Variants in SMAD6 observed in about 807,000 individuals in gnomAD.
SMAD6 encodes MAD homolog 6.
Under a neutral mutation model 39.4 loss-of-function variants are expected in SMAD6, and 103 were observed. The ratio of observed to expected loss-of-function variants is 2.62; its 90% CI spans 2.23 to 3.08. The LOEUF is 3.08. Among genes scored for constraint, SMAD6 ranks in the 30% most tolerant of loss-of-function variants. The pLI, the probability that SMAD6 is intolerant of heterozygous loss-of-function variation, is 0.00. For missense variants in SMAD6, 1,104 were observed against 742.9 expected (o/e 1.49, Z -5.65); for synonymous variants, 445 against 353.3 (o/e 1.26, Z -2.91).
intron 3 of SMAD6, among the ~76,000 whole-genome samples, chr15:66,775,001 A>C (rs915481805): frequency 2.6e-5 from 4 of 151,878 alleles, no homozygotes; most frequent in African/African-American, 9.7e-5. Flanking sequence ...GTTGGGATTA[A>C]GGCGCCCGCC....
At chr15:66,711,830 G>A (rs1437116060) in intron 2 of SMAD6, 106 bp downstream of exon 2, 1 of 946,602 alleles carries the variant, frequency 1.1e-6, no homozygotes, top group Non-Finnish European at 1.7e-6. Context: ...AGGGCTGGAG[G>A]GGAGGGGTGA....
At chr15:66,746,227 C>T (rs553225741) in intron 3 of SMAD6, among the ~76,000 whole-genome samples, 4 of 152,346 alleles carry the variant, frequency 2.6e-5, no homozygotes, top group South Asian at 2.1e-4. Flanking sequence ...TGTGCAACTT[C>T]GGTGACTCCT....
intron 3 of SMAD6, among the ~76,000 whole-genome samples, chr15:66,728,601 T>G (rs544154387): frequency 3.9e-4 from 59 of 152,220 alleles, no homozygotes; most frequent in African/African-American, 1.3e-3. Context: ...GAGATGGGGT[T>G]TCCCCATGTT....
chr15:66,703,990 G>C lies in SMAD6; in HGVS notation c.732G>C (p.Leu244=). 6.7e-7 allele frequency: 1 copy of C among 1,484,422 alleles called. No homozygotes were observed. Among genetic ancestry groups the C allele is most frequent in the Non-Finnish European group, 8.9e-7 (1 of 1,124,838 alleles). The allele number at this position is 1,484,422 out of a possible 1,614,324, so 92.0% of individuals were successfully genotyped here. The change falls in exon 1 of 4, where the codon CTG becomes CTC. Residue 244 remains leucine (L), a synonymous_variant. Coordinates refer to ENST00000288840, the MANE Select transcript of SMAD6 (RefSeq NM_005585.5). ...DLQHAVELKP[L]CGCHSFAAAA... The stretch of plus-strand genomic sequence containing the variant: ...AGCACGCCGTGGAGCTGAAGCCCCT[G>C]TGCGGCTGCCACAGCTTCGCCGCCG...
At chr15:66,748,178 A>C (rs1893939218) in intron 3 of SMAD6, among the ~76,000 whole-genome samples, 1 of 152,188 alleles carries the variant, frequency 6.6e-6, no homozygotes, top group Non-Finnish European at 1.5e-5. Context: ...TAATTGAAAA[A>C]ATATGTGTGC....
chr15:66,752,040 CTTT>C (rs34057337), intron 3 of SMAD6, among the ~76,000 whole-genome samples: 241 of 121,822 alleles, frequency 2.0e-3, no homozygotes, highest in African/African-American at 3.2e-3. Flanking sequence ...TTAATGGCAC[CTTT>C]TTTTTTTTTT....
At chr15:66,758,396 A>C (rs536154033) in intron 3 of SMAD6, among the ~76,000 whole-genome samples, 70 of 152,296 alleles carry the variant, frequency 4.6e-4, no homozygotes, top group Non-Finnish European at 9.6e-4. Context: ...TACTCATAAC[A>C]GTAAATACGA....
At chr15:66,714,126 T>G (rs1235787391) in intron 2 of SMAD6, among the ~76,000 whole-genome samples, 1 of 152,224 alleles carries the variant, frequency 6.6e-6, no homozygotes, top group African/African-American at 2.4e-5. Flanking sequence ...GTGAAAGTTC[T>G]TAGCACCTCA....
chr15:66,753,443 A>G (rs183228880), intron 3 of SMAD6, among the ~76,000 whole-genome samples: 286 of 152,190 alleles, frequency 1.9e-3, no homozygotes, highest in Non-Finnish European at 2.2e-4. Context: ...TCTAGGCACC[A>G]TCTGTTCTGT....
chr15:66,781,512 AT>A lies in SMAD6; in HGVS notation c.1469del (p.Ile490ThrfsTer49). On this transcript the variant is annotated frameshift_variant, in exon 4 of 4. Coordinates refer to ENST00000288840, the MANE Select transcript of SMAD6 (RefSeq NM_005585.5). LOFTEE classifies it high-confidence loss of function. ...FITSCPCWLE[I>X]LLNNPR ...CACCTCCTGCCCCTGCTGGCTGGAG[AT>A]CCTCCTCAACAACCCCAGATAGTGG... 2 of 1,560,998 alleles carry A rather than the reference AT, an allele frequency of 1.3e-6. No individual in the cohort carries two copies. The highest frequency in any genetic ancestry group is 1.7e-6 in the Non-Finnish European group (2 of 1,157,222).
intron 1 of SMAD6, among the ~76,000 whole-genome samples, chr15:66,710,488 G>A (rs1459505694): frequency 6.6e-6 from 1 of 152,094 alleles, no homozygotes; most frequent in African/African-American, 2.4e-5. Flanking sequence ...GGCCTCATTG[G>A]GTGTATGGAG....
At chr15:66,754,204 A>G (rs144207669) in intron 3 of SMAD6, among the ~76,000 whole-genome samples, 134 of 152,282 alleles carry the variant, frequency 8.8e-4, no homozygotes, top group Middle Eastern at 3.4e-3. Flanking sequence ...AAGTGGGCCA[A>G]CCTCTTGCTT....
At chr15:66,704,280 C>G in intron 1 of SMAD6, 1 of 395,098 alleles carries the variant, frequency 2.5e-6, no homozygotes, top group East Asian at 3.6e-5. Context: ...AACTTTATCT[C>G]AAGGCTCCGG....
chr15:66,724,973 G>A (rs1039751622), intron 3 of SMAD6, among the ~76,000 whole-genome samples: 3 of 152,122 alleles, frequency 2.0e-5, no homozygotes, highest in Admixed American at 6.6e-5. Context: ...ACTTGGTTGC[G>A]TCCAGCCTAA....
chr15:66,776,496 G>T (rs1172333722), intron 3 of SMAD6, among the ~76,000 whole-genome samples: 1 of 152,214 alleles, frequency 6.6e-6, no homozygotes, highest in East Asian at 1.9e-4. Flanking sequence ...TCCAGTCAGT[G>T]GTGGCAGCCT....
intron 1 of SMAD6, 81 bp downstream of exon 1, chr15:66,704,156 G>C: frequency 8.7e-7 from 1 of 1,143,388 alleles, no homozygotes; most frequent in South Asian, 2.2e-5. Flanking sequence ...TGACACTGCG[G>C]GTCGGCGCAG....
At chr15:66,734,351 AT>A (rs1223900346) in intron 3 of SMAD6, among the ~76,000 whole-genome samples, 2 of 152,184 alleles carry the variant, frequency 1.3e-5, no homozygotes, top group African/African-American at 2.4e-5. Context: ...ATTAATGCTC[AT>A]TCCATTCGCC....
intron 3 of SMAD6, among the ~76,000 whole-genome samples, chr15:66,758,356 C>CA (rs962723023): frequency 6.6e-6 from 1 of 152,018 alleles, no homozygotes; most frequent in Non-Finnish European, 1.5e-5. Flanking sequence ...TGATAAATTT[C>CA]AAAAAACAGA....
Position 66,716,484 on chromosome 15 carries a change from C to T in SMAD6, c.938C>T (p.Pro313Leu), listed in dbSNP as rs748388661. The change falls in exon 3 of 4, where the codon CCG (proline) becomes CTG (leucine). Residue 313 changes from proline (P) to leucine (L), a missense_variant. Coordinates refer to ENST00000288840, the MANE Select transcript of SMAD6 (RefSeq NM_005585.5). ...TEATNSLITA[P>L]GEFSDASMSP... The stretch of plus-strand genomic sequence containing the variant: ...GCTACCAACTCCCTCATCACTGCTC[C>T]GGGTGAATTCTCAGGTCAGCATTTT... 28 of 1,612,156 alleles carry T rather than the reference C, an allele frequency of 1.7e-5. No individual in the cohort carries two copies. The highest frequency in any genetic ancestry group is 9.3e-5 in the African/African-American group (7 of 74,870).
Sources: gnomAD v4.1 joint callset for allele counts (sites outside exome capture counted in the v4.1 genomes callset) on GRCh38, gnomAD v4.1.1 for gene constraint, MANE v1.5 for transcripts, NCBI Gene and HGNC (gene_info 2026-07-23, HGNC 2026-07-21) for gene names.